Variants in RNF115 observed in about 807,000 individuals in gnomAD.
RNF115 encodes the protein ring finger protein 115.
RNF115 carries 31 observed loss-of-function variants against 39.2 expected under a neutral mutation model. The observed-to-expected ratio is 0.79, with a 90% CI of 0.59 to 1.07. RNF115 has a LOEUF of 1.07. RNF115 is among the 50% of genes least tolerant of loss of function. RNF115 has a pLI of 0.00. For missense variants in RNF115, 384 were observed against 381.7 expected (o/e 1.01, Z -0.05); for synonymous variants, 124 against 131.0 (o/e 0.95, Z 0.37).
intron 8 of RNF115, among the ~76,000 whole-genome samples, chr1:145,747,720 T>C (rs1657927364): frequency 6.6e-6 from 1 of 152,148 alleles, no homozygotes; most frequent in Non-Finnish European, 1.5e-5. Context: ...ACTAATCAAC[T>C]CTGCTGACGT....
chr1:145,815,627 A>G (rs1259567771), intron 1 of RNF115, among the ~76,000 whole-genome samples: 1 of 151,580 alleles, frequency 6.6e-6, no homozygotes, highest in Non-Finnish European at 1.5e-5. Flanking sequence ...CACTAACTCC[A>G]TTAGTCTTGG....
intron 1 of RNF115, among the ~76,000 whole-genome samples, chr1:145,798,501 A>G (rs1553720404): frequency 2.0e-5 from 3 of 152,130 alleles, no homozygotes. Flanking sequence ...TTATTTCTGG[A>G]GTCTCTATTC....
chr1:145,823,692 G>T (rs1257118216), intron 1 of RNF115, 80 bp downstream of exon 1: 9 of 1,141,612 alleles, frequency 7.9e-6, no homozygotes, highest in Non-Finnish European at 1.1e-5. Flanking sequence ...ATGATGTGCA[G>T]AAAGCTCCAG....
intron 1 of RNF115, among the ~76,000 whole-genome samples, chr1:145,820,573 T>A (rs1173947693): frequency 1.3e-5 from 2 of 151,732 alleles, no homozygotes; most frequent in Non-Finnish European, 2.9e-5. Context: ...CCGTCTCTAC[T>A]AAAAATACAA....
At chr1:145,823,289 G>GA (rs1421028534) in intron 1 of RNF115, among the ~76,000 whole-genome samples, 2 of 98,632 alleles carry the variant, frequency 2.0e-5, no homozygotes, top group South Asian at 4.0e-4. Flanking sequence ...TCCTTCCCTA[G>GA]AAAAAACCGA....
At chr1:145,789,589 G>A (rs1163865409) in intron 1 of RNF115, among the ~76,000 whole-genome samples, 3 of 150,640 alleles carry the variant, frequency 2.0e-5, no homozygotes, top group African/African-American at 7.3e-5. Flanking sequence ...GGAGAGACGA[G>A]GTTTTTCCAT....
At chr1:145,769,444 T>C (rs1280198898) in intron 4 of RNF115, among the ~76,000 whole-genome samples, 1 of 152,150 alleles carries the variant, frequency 6.6e-6, no homozygotes, top group Non-Finnish European at 1.5e-5. Flanking sequence ...ACATGTTTAG[T>C]AGCCACTATA....
At chr1:145,798,078 T>C (rs754619495) in intron 1 of RNF115, among the ~76,000 whole-genome samples, 7 of 152,232 alleles carry the variant, frequency 4.6e-5, no homozygotes, top group Non-Finnish European at 8.8e-5. Flanking sequence ...ACAAACATTT[T>C]CTCCCATTCC....
chr1:145,800,741 G>A (rs782608586), intron 1 of RNF115, among the ~76,000 whole-genome samples: 4 of 152,182 alleles, frequency 2.6e-5, no homozygotes, highest in Admixed American at 6.5e-5. Context: ...AGACCTTAAG[G>A]GGAGAAGTGT....
At chr1:145,758,932 T>C (rs1658400185) in intron 4 of RNF115, among the ~76,000 whole-genome samples, 1 of 152,334 alleles carries the variant, frequency 6.6e-6, no homozygotes, top group Non-Finnish European at 1.5e-5. Context: ...GCTAAATGTC[T>C]GGGGAAGATG....
rs370246063 is a variant in RNF115 at position 145,753,785 on chromosome 1, C to T, written c.429-736G>A. On this transcript the variant is annotated intron_variant, in intron 4 of 8. Transcript: ENST00000582693. The stretch of plus-strand genomic sequence containing the variant: ...AGGCTGGAGTGCAGTGGAGCGATCT[C>T]GGCTCACTGCAACCTCTGCCTCCCA... Among the ~76,000 whole-genome samples the T allele has an allele frequency of 9.9e-5, 15 of 152,126 alleles. No individual in the cohort carries two copies. In the South Asian group the frequency reaches 1.7e-3, roughly 17 times the overall value.
In RNF115 at chr1:145,824,053, GC is replaced by G. The variant is rs1553725085; in HGVS notation, c.-181del. On this transcript the variant is annotated 5_prime_UTR_variant, in exon 1 of 9. Transcript: ENST00000582693. The stretch of plus-strand genomic sequence containing the variant: ...ACGCGGCGGCGCCAACAGCTACCCT[GC>G]GGCCCGCCTCCCAGCACCAAAGAGG... 4.1e-6 allele frequency: 2 copies of G among 492,348 alleles called. No homozygotes were observed. The highest frequency in any genetic ancestry group is 7.0e-6 in the Non-Finnish European group (2 of 283,868). The allele number at this position is 492,348 out of a possible 1,614,324, so 30.5% of individuals were successfully genotyped here.
At chr1:145,774,130 G>C (rs1444493865) in intron 3 of RNF115, among the ~76,000 whole-genome samples, 2 of 152,066 alleles carry the variant, frequency 1.3e-5, no homozygotes, top group Non-Finnish European at 2.9e-5. Flanking sequence ...AAGGTGTTTG[G>C]TGTTTCTGCA....
chr1:145,740,772 T>G lies in RNF115; in HGVS notation c.*6094A>C, dbSNP rs1290294828. ...AGCATTACTGAAATCATAGCAGCTT[T>G]TTGTTATGTATTCTTTAATCAAAAA... On this transcript the variant is annotated 3_prime_UTR_variant, in exon 9 of 9. Coordinates refer to ENST00000582693, the MANE Select transcript of RNF115 (RefSeq NM_014455.4). 2 of 152,240 alleles carry G rather than the reference T, an allele frequency of 1.3e-5. No individual in the cohort carries two copies. Among genetic ancestry groups the G allele is most frequent in the Admixed American group, 6.5e-5 (1 of 15,282 alleles). 9.4% of individuals were successfully genotyped at this position (152,240 alleles called of 1,614,324 possible). A position where few individuals can be genotyped will look rare whatever the true frequency, so the allele number is the denominator to read the frequency against.
chr1:145,788,796 GCT>G (rs782257745), intron 2 of RNF115, 110 bp downstream of exon 2: 13 of 795,642 alleles, frequency 1.6e-5, no homozygotes, highest in Non-Finnish European at 2.8e-5. Flanking sequence ...TCTCACTCTC[GCT>G]CTCTCTGTAG....
At chr1:145,753,573 C>T (rs1658177000) in intron 4 of RNF115, among the ~76,000 whole-genome samples, 1 of 152,186 alleles carries the variant, frequency 6.6e-6, no homozygotes, top group Non-Finnish European at 1.5e-5. Context: ...GCATTTGTCA[C>T]TCTGAATACT....
intron 1 of RNF115, among the ~76,000 whole-genome samples, chr1:145,819,807 G>A (rs1226636177): frequency 2.0e-5 from 3 of 152,228 alleles, no homozygotes; most frequent in African/African-American, 7.2e-5. Context: ...GGGGGCCAAG[G>A]CAGGCAGATC....
At chr1:145,763,887 TCCCCC>T (rs1658633391) in intron 4 of RNF115, among the ~76,000 whole-genome samples, 1 of 100,578 alleles carries the variant, frequency 9.9e-6, no homozygotes, top group South Asian at 4.8e-4. Flanking sequence ...TATTTGGCCC[TCCCCC>T]TCCCCCTCCC....
chr1:145,819,341 C>T (rs587653721), intron 1 of RNF115, among the ~76,000 whole-genome samples: 56 of 146,610 alleles, frequency 3.8e-4, no homozygotes, highest in Non-Finnish European at 7.0e-4. Flanking sequence ...TCCAGCTACT[C>T]AGGAGGCTAA....
Sources: allele counts gnomAD v4.1 joint callset (sites outside exome capture counted in the v4.1 genomes callset), GRCh38; gene constraint gnomAD v4.1.1; transcripts MANE v1.5; gene names NCBI Gene and HGNC (gene_info 2026-07-23, HGNC 2026-07-21).